CRACD: variants seen among roughly 807,000 people sequenced by gnomAD.
The protein encoded by CRACD is capping protein-inhibiting regulator of actin dynamics.
Under a neutral mutation model 106.8 loss-of-function variants are expected in CRACD, and 56 were observed. That is an observed-to-expected ratio of 0.52 (90% CI 0.42 to 0.66). CRACD has a LOEUF of 0.66. Ranked by LOEUF, CRACD falls within the 30% of genes least tolerant of loss-of-function variation. The probability of loss-of-function intolerance (pLI) is 0.00; values close to 1 mark genes in which losing one functional copy is unlikely to be tolerated. For synonymous variants in CRACD, 754 were observed against 670.8 expected, an observed-to-expected ratio of 1.12 and a Z score of -1.92; for missense variants, 1,730 against 1,623.2, an observed-to-expected ratio of 1.07 and a Z score of -1.13.
rs1302664894 is a variant in CRACD, at chr4:56,314,582, G to A, written c.1080G>A (p.Arg360=). 2 of 1,519,846 alleles carry A rather than the reference G, an allele frequency of 1.3e-6. No homozygotes were observed. Among genetic ancestry groups the A allele is most frequent in the East Asian group, 2.5e-5 (1 of 40,670 alleles). The allele number at this position is 1,519,846 out of a possible 1,614,324, so 94.1% of individuals were successfully genotyped here. A position where few individuals can be genotyped will look rare whatever the true frequency, so the allele number is the denominator to read the frequency against. The change falls in exon 8 of 11, where the codon AGG becomes AGA. Residue 360 remains arginine (R), a synonymous_variant. Coordinates refer to ENST00000682029, the MANE Select transcript of CRACD (RefSeq NM_001393381.1). This position sits in a 1 kb window ranked among gnomAD's most constrained non-coding sequence, Gnocchi z 4.4. ...GAAGATGCGCGGAGGAGCTCAAAAG[G>A]CAGGAGGAGGAGGAGGCTGAGGGAT... ...EEGRCAEELK[R]QEEEEAEGWE... is the part of the protein sequence containing the mutation.
At chr4:56,146,957 G>A (rs1399294562) in intron 1 of CRACD, among the ~76,000 whole-genome samples, 2 of 152,298 alleles carry the variant, frequency 1.3e-5, no homozygotes, top group African/African-American at 4.8e-5. Context: ...TGGGCTGAGC[G>A]AAGGGGTTTA....
At chr4:56,132,412 C>G (rs2109866755) in intron 1 of CRACD, among the ~76,000 whole-genome samples, 1 of 152,294 alleles carries the variant, frequency 6.6e-6, no homozygotes, top group Admixed American at 6.5e-5. Flanking sequence ...GTGATCACGG[C>G]TCACTGCAGC....
intron 5 of CRACD, among the ~76,000 whole-genome samples, chr4:56,308,271 T>C (rs555774895): frequency 1.3e-5 from 2 of 152,128 alleles, no homozygotes; most frequent in East Asian, 3.9e-4. Context: ...ACTTGAAGAG[T>C]ACCTAGTCTG....
In CRACD at chr4:56,103,008, C is replaced by G. The variant is rs541992163; in HGVS notation, c.-336+53709C>G. ...GTTGTGTACCATTATTTATTAGGGT[C>G]TCTCTTCTGTACTAGCCCTTGAGTC... On this transcript the variant is annotated intron_variant, in intron 1 of 10. Coordinates refer to ENST00000682029, the MANE Select transcript of CRACD (RefSeq NM_001393381.1). Among the ~76,000 whole-genome samples, 7 of 152,302 alleles carry G rather than the reference C, an allele frequency of 4.6e-5. No individual in the cohort carries two copies. The East Asian group carries it at 1.3e-3, about 29-fold the overall frequency.
At chr4:56,215,137 G>A (rs1258277872) in intron 2 of CRACD, among the ~76,000 whole-genome samples, 1 of 152,086 alleles carries the variant, frequency 6.6e-6, no homozygotes, top group Non-Finnish European at 1.5e-5. Flanking sequence ...AGCCTCCCAA[G>A]TAGCTAGGAC....
intron 1 of CRACD, among the ~76,000 whole-genome samples, chr4:56,058,742 ATTAG>A (rs1732172145): frequency 6.6e-6 from 1 of 152,230 alleles, no homozygotes; most frequent in African/African-American, 2.4e-5. Flanking sequence ...GACTGTAGTG[ATTAG>A]CATCTTAAAG....
chr4:56,239,777 C>T lies in CRACD; in HGVS notation c.-188-32544C>T, dbSNP rs116369198. On this transcript the variant is annotated intron_variant, in intron 2 of 10. Transcript: ENST00000682029. ...CATTCAGCTTCCCCGTGTCCTGGGA[C>T]CCCCGCTCCCACCCCCTGCCCCAGA... Among the ~76,000 whole-genome samples, 1,164 of 152,230 alleles carry T rather than the reference C, an allele frequency of 7.6e-3. 5 individuals carry two copies. The highest frequency in any genetic ancestry group is 0.013 in the Non-Finnish European group (890 of 68,010).
chr4:56,295,660 CATATATATATATATATATATATAT>C (rs57635563), intron 3 of CRACD, among the ~76,000 whole-genome samples: 30,073 of 109,136 alleles, frequency 0.28, 4,086 homozygotes, highest in Middle Eastern at 0.34. Context: ...AATTAGTAAA[CATATATATATATATATATATATAT>C]ATATATATAT....
chr4:56,270,814 G>A (rs1742306382), intron 2 of CRACD, among the ~76,000 whole-genome samples: 1 of 152,006 alleles, frequency 6.6e-6, no homozygotes, highest in Non-Finnish European at 1.5e-5. Context: ...AGGCCCAGTG[G>A]TTCACGCCTG....
intron 6 of CRACD, among the ~76,000 whole-genome samples, chr4:56,312,681 G>A (rs540129497): frequency 6.6e-6 from 1 of 152,302 alleles, no homozygotes; most frequent in East Asian, 1.9e-4. Flanking sequence ...TGCAGTGTCT[G>A]AGAGTTTAAC....
chr4:56,217,936 C>T (rs1338105296), intron 2 of CRACD, among the ~76,000 whole-genome samples: 1 of 152,168 alleles, frequency 6.6e-6, no homozygotes, highest in South Asian at 2.1e-4. Flanking sequence ...TTGGCTCCTT[C>T]TGAGGGCTGT....
chr4:56,114,505 G>A (rs907327286), intron 1 of CRACD, among the ~76,000 whole-genome samples: 12 of 152,158 alleles, frequency 7.9e-5, no homozygotes, highest in African/African-American at 2.9e-4. Flanking sequence ...TCTATAGGAA[G>A]ACATGGACAA....
At chr4:56,318,276 G>T (rs914089126) in intron 8 of CRACD, among the ~76,000 whole-genome samples, 1 of 152,290 alleles carries the variant, frequency 6.6e-6, no homozygotes, top group African/African-American at 2.4e-5. Context: ...GACTACAGGT[G>T]TGAGCCACCG....
At chr4:56,129,009 C>T (rs1392182804) in intron 1 of CRACD, among the ~76,000 whole-genome samples, 10 of 151,782 alleles carry the variant, frequency 6.6e-5, no homozygotes, top group African/African-American at 2.4e-4. Flanking sequence ...AAAAACTAAT[C>T]GTACTGTGAA....
At chr4:56,225,159 G>A (rs905000643) in intron 2 of CRACD, among the ~76,000 whole-genome samples, 3 of 152,152 alleles carry the variant, frequency 2.0e-5, no homozygotes, top group Non-Finnish European at 4.4e-5. Flanking sequence ...CACGATCTTG[G>A]CTTACTGCAA....
At chr4:56,240,746 A>G (rs1011410738) in intron 2 of CRACD, among the ~76,000 whole-genome samples, 1 of 152,182 alleles carries the variant, frequency 6.6e-6, no homozygotes, top group Non-Finnish European at 1.5e-5. Context: ...GTCCTCCCAA[A>G]GCACTAGGAT....
At chr4:56,070,297 G>A (rs1732594371) in intron 1 of CRACD, among the ~76,000 whole-genome samples, 1 of 132,606 alleles carries the variant, frequency 7.5e-6, no homozygotes, top group Admixed American at 7.6e-5. Context: ...CTGAGTCCTT[G>A]CCCATTTTTT....
intron 2 of CRACD, among the ~76,000 whole-genome samples, chr4:56,217,124 C>T (rs1189896070): frequency 6.6e-6 from 1 of 151,782 alleles, no homozygotes; most frequent in Non-Finnish European, 1.5e-5. Context: ...GTAGCACTGG[C>T]TGGGGGTCAT....
At chr4:56,058,168 C>T (rs553055248) in intron 1 of CRACD, among the ~76,000 whole-genome samples, 2 of 152,194 alleles carry the variant, frequency 1.3e-5, no homozygotes, top group South Asian at 4.2e-4. Context: ...CTCCCAGGTT[C>T]AAGCGATTCT....
Sources: allele counts gnomAD v4.1 joint callset (sites outside exome capture counted in the v4.1 genomes callset), GRCh38; gene constraint gnomAD v4.1.1; non-coding constraint Gnocchi (gnomAD v3.1); transcripts MANE v1.5; gene names NCBI Gene and HGNC (gene_info 2026-07-23, HGNC 2026-07-21).